The following NT5M variants were observed in gnomAD, a reference collection of about 807,000 sequenced individuals.
The protein encoded by NT5M is 5'(3')-deoxyribonucleotidase, mitochondrial.
In NT5M, 22 loss-of-function variants were observed where a neutral mutation model predicts 22.2. The ratio of observed to expected loss-of-function variants is 0.99; its 90% CI spans 0.71 to 1.41. The LOEUF (loss-of-function observed/expected upper bound fraction) is 1.41. Ranked by LOEUF, NT5M falls within the 40% of genes most tolerant of loss-of-function variation. NT5M has a pLI of 0.00. For missense variants in NT5M, 322 were observed against 314.8 expected, an observed-to-expected ratio of 1.02 and a Z score of -0.17; for synonymous variants, 167 against 133.0, an observed-to-expected ratio of 1.26 and a Z score of -1.76.
chr17:17,325,059 T>G (rs1052288966), intron 3 of NT5M, among the ~76,000 whole-genome samples: 1 of 151,120 alleles, frequency 6.6e-6, no homozygotes, highest in African/African-American at 2.4e-5. Flanking sequence ...ACCCTACACC[T>G]TCTGAATCAG....
At chr17:17,338,949 G>A (rs930741998) in intron 3 of NT5M, among the ~76,000 whole-genome samples, 1 of 151,654 alleles carries the variant, frequency 6.6e-6, no homozygotes. Flanking sequence ...GGATGGTCTC[G>A]ATTTCCTGAC....
intron 3 of NT5M, among the ~76,000 whole-genome samples, chr17:17,334,274 A>G (rs2049450433): frequency 2.0e-5 from 3 of 150,048 alleles, no homozygotes; most frequent in Non-Finnish European, 4.4e-5. Flanking sequence ...GCTCGTTTTG[A>G]GTTAATTATC....
At chr17:17,326,781 G>A (rs992848445) in intron 3 of NT5M, among the ~76,000 whole-genome samples, 1 of 152,212 alleles carries the variant, frequency 6.6e-6, no homozygotes, top group African/African-American at 2.4e-5. Flanking sequence ...GTTGCCAGAA[G>A]AAGGGTCACA....
chr17:17,335,423 A>G (rs549498505), intron 3 of NT5M, among the ~76,000 whole-genome samples: 2 of 151,920 alleles, frequency 1.3e-5, no homozygotes, highest in African/African-American at 4.8e-5. Context: ...ATGCCCAGCT[A>G]ATTTTTGGAA....
chr17:17,320,677 C>T (rs1012922886), intron 2 of NT5M, among the ~76,000 whole-genome samples: 5 of 152,108 alleles, frequency 3.3e-5, no homozygotes, highest in Non-Finnish European at 5.9e-5. Flanking sequence ...GACGCATCAG[C>T]ATGCACATGG....
Position 17,303,818 on chromosome 17 carries a change from G to A in NT5M, c.267+1G>A. The A allele has an allele frequency of 6.9e-7, 1 of 1,455,538 alleles. No homozygotes were observed. Among genetic ancestry groups the A allele is most frequent in the Non-Finnish European group, 9.2e-7 (1 of 1,091,606 alleles). 90.2% of individuals were successfully genotyped at this position (1,455,538 alleles called of 1,614,324 possible). Reference sequence around the variant, plus strand: ...CGGCCGCCTGCGGCCAGGGCTGAGCGTGAGCGTCCCCGCCCCGCCCCGCGC... The same window carrying A: ...CGGCCGCCTGCGGCCAGGGCTGAGCATGAGCGTCCCCGCCCCGCCCCGCGC... On this transcript the variant is annotated splice_donor_variant, in intron 1 of 4. Transcript: ENST00000389022. LOFTEE classifies it high-confidence loss of function.
chr17:17,318,678 G>A (rs1477134569), intron 2 of NT5M, among the ~76,000 whole-genome samples: 2 of 149,766 alleles, frequency 1.3e-5, no homozygotes, highest in Non-Finnish European at 1.5e-5. Flanking sequence ...CCAGCTCCTC[G>A]GAAGGCTGAG....
chr17:17,345,000 C>T (rs2049728503), intron 4 of NT5M, 92 bp downstream of exon 4: 3 of 1,545,726 alleles, frequency 1.9e-6, no homozygotes, highest in Non-Finnish European at 2.6e-6. Context: ...TGCTTCCTGC[C>T]CCACTTAGTC....
At chr17:17,314,770 G>A (rs1355741286) in intron 2 of NT5M, among the ~76,000 whole-genome samples, 1 of 152,146 alleles carries the variant, frequency 6.6e-6, no homozygotes, top group Admixed American at 6.5e-5. Context: ...CTTTGTTCTT[G>A]TTGCATCTTC....
At chr17:17,338,236 A>T (rs1185301377) in intron 3 of NT5M, among the ~76,000 whole-genome samples, 2 of 148,684 alleles carry the variant, frequency 1.3e-5, no homozygotes, top group African/African-American at 5.0e-5. Context: ...TCTGTCGCCC[A>T]GGCGGGAGTA....
intron 2 of NT5M, among the ~76,000 whole-genome samples, chr17:17,321,739 G>A (rs979820425): frequency 3.3e-5 from 5 of 151,922 alleles, no homozygotes; most frequent in African/African-American, 1.2e-4. Flanking sequence ...TGGCCAGACA[G>A]GCCTGGGTGG....
rs747139101 is a variant in NT5M at position 17,303,638 on chromosome 17, C to T, written c.88C>T (p.Leu30=). The part of the protein sequence containing the change: ...GRRGAAGGLG[L]AGGRALRVLV... ...GCGCGGGGCGGCGGGCGGGCTGGGC[C>T]TGGCGGGAGGCCGCGCCCTACGGGT... Residue 30 remains leucine (L), a synonymous_variant, in exon 1 of 5, where the codon CTG becomes TTG. Coordinates refer to ENST00000389022, the MANE Select transcript of NT5M (RefSeq NM_020201.4). 2 of 1,445,660 alleles carry T rather than the reference C, an allele frequency of 1.4e-6. No individual in the cohort carries two copies. Among genetic ancestry groups the T allele is most frequent in the East Asian group, 5.7e-5 (2 of 35,224 alleles). 89.6% of individuals were successfully genotyped at this position (1,445,660 alleles called of 1,614,324 possible).
At chr17:17,330,157 G>A (rs907208012) in intron 3 of NT5M, among the ~76,000 whole-genome samples, 9 of 151,684 alleles carry the variant, frequency 5.9e-5, no homozygotes, top group Admixed American at 3.3e-4. Context: ...AAAATTAGCC[G>A]AGCGTTGTGG....
In NT5M at chr17:17,308,610, ACCG is replaced by A. The variant is rs2048860709; in HGVS notation, c.368+1968_368+1970del. On this transcript the variant is annotated intron_variant, in intron 2 of 4. Coordinates refer to ENST00000389022, the MANE Select transcript of NT5M (RefSeq NM_020201.4). ...CTGTCTCAAAAAAAAAAAGAGACAT[ACCG>A]TGCAGTCCACCCATTTGAAGTATAT... Among the ~76,000 whole-genome samples, 3 of 152,128 alleles carry A rather than the reference ACCG, an allele frequency of 2.0e-5. No individual in the cohort carries two copies. In the South Asian group the frequency reaches 6.2e-4, roughly 32 times the overall value.
At chr17:17,303,881 C>T (rs939143903) in intron 1 of NT5M, 64 bp downstream of exon 1, 1 of 1,316,188 alleles carries the variant, frequency 7.6e-7, no homozygotes, top group Non-Finnish European at 9.7e-7. Flanking sequence ...GACACCGCCC[C>T]TGCGCCGGTG....
intron 3 of NT5M, among the ~76,000 whole-genome samples, chr17:17,343,653 G>T (rs1194633607): frequency 6.6e-6 from 1 of 152,118 alleles, no homozygotes; most frequent in Non-Finnish European, 1.5e-5. Flanking sequence ...CCCCAGGGTG[G>T]CAGAGCCCTG....
intron 2 of NT5M, among the ~76,000 whole-genome samples, chr17:17,311,096 G>A (rs2145329060): frequency 6.6e-6 from 1 of 152,264 alleles, no homozygotes; most frequent in South Asian, 2.1e-4. Context: ...CAGCACTTTG[G>A]GAGGCCGAGG....
intron 3 of NT5M, among the ~76,000 whole-genome samples, chr17:17,339,878 T>A (rs1249878515): frequency 6.6e-6 from 1 of 152,260 alleles, no homozygotes; most frequent in African/African-American, 2.4e-5. Context: ...TTCAATTTGC[T>A]AATCTTTTGT....
At chr17:17,344,998 G>GC (rs1361908159) in intron 4 of NT5M, 90 bp downstream of exon 4, 2 of 1,553,444 alleles carry the variant, frequency 1.3e-6, no homozygotes, top group Admixed American at 3.7e-5. Flanking sequence ...GTTGCTTCCT[G>GC]CCCCACTTAG....
Sources: gnomAD v4.1 joint callset for allele counts (sites outside exome capture counted in the v4.1 genomes callset) on GRCh38, gnomAD v4.1.1 for gene constraint, MANE v1.5 for transcripts, NCBI Gene and HGNC (gene_info 2026-07-23, HGNC 2026-07-21) for gene names.